SMC5: variants seen among roughly 807,000 people sequenced by gnomAD.
SMC5 encodes structural maintenance of chromosomes protein 5.
SMC5 carries 88 observed loss-of-function variants against 148.3 expected under a neutral mutation model. The ratio of observed to expected loss-of-function variants is 0.59; its 90% CI spans 0.50 to 0.71. The LOEUF is 0.71. Among genes scored for constraint, SMC5 ranks in the 30% least tolerant of loss-of-function variants. The pLI, the probability that SMC5 is intolerant of heterozygous loss-of-function variation, is 0.00. For synonymous variants in SMC5, 421 were observed against 432.8 expected (o/e 0.97, Z 0.34); for missense variants, 1,142 against 1,298.9 (o/e 0.88, Z 1.86).
rs536728644 is a variant in SMC5 at position 70,306,074 on chromosome 9, T to C, written c.1578+714T>C. Among the ~76,000 whole-genome samples the C allele has an allele frequency of 4.6e-4, 70 of 152,314 alleles. 1 individual carries two copies. The highest frequency in any genetic ancestry group is 1.6e-3 in the African/African-American group (68 of 41,564). On this transcript the variant is annotated intron_variant, in intron 11 of 24. Coordinates refer to ENST00000361138, the MANE Select transcript of SMC5 (RefSeq NM_015110.4). ...ACTCATCATTATCGTAATACATTGTTATATAACCTACATAATATGTAGTAT... is the reference window on the plus strand; with the variant it reads ...ACTCATCATTATCGTAATACATTGTCATATAACCTACATAATATGTAGTAT...
At chr9:70,335,657 G>A (rs181424458) in intron 17 of SMC5, among the ~76,000 whole-genome samples, 1 of 152,230 alleles carries the variant, frequency 6.6e-6, no homozygotes, top group African/African-American at 2.4e-5. Context: ...CCAAAAGAGA[G>A]CATACACTAT....
At chr9:70,284,782 G>A (rs1177449773) in intron 7 of SMC5, among the ~76,000 whole-genome samples, 1 of 152,126 alleles carries the variant, frequency 6.6e-6, no homozygotes, top group Non-Finnish European at 1.5e-5. Flanking sequence ...GTAGTTATTA[G>A]CACCCATAGC....
In SMC5 at chr9:70,304,325, C is replaced by T. The variant is rs544303870; in HGVS notation, c.1465-922C>T. ...AACTTCTGGCTTCCAGTGTTATCCT[C>T]TCATCTTGGCCTCCCAAAGTGTTGG... On this transcript the variant is annotated intron_variant, in intron 10 of 24. Transcript: ENST00000361138. Among the ~76,000 whole-genome samples, 7 of 152,172 alleles carry T rather than the reference C, an allele frequency of 4.6e-5. No individual in the cohort carries two copies. In the East Asian group the frequency reaches 1.4e-3, roughly 29 times the overall value.
intron 17 of SMC5, among the ~76,000 whole-genome samples, chr9:70,332,275 C>T (rs1327903475): frequency 1.3e-5 from 2 of 152,044 alleles, no homozygotes; most frequent in African/African-American, 2.4e-5. Context: ...AATCCCGGCA[C>T]TTTGGGAGGC....
chr9:70,262,935 GAAAAATCCCCCGCC>G (rs2034178379), intron 1 of SMC5, among the ~76,000 whole-genome samples: 1 of 148,986 alleles, frequency 6.7e-6, no homozygotes, highest in Non-Finnish European at 1.5e-5. Context: ...CTAAAGGCAA[GAAAAATCCCCCGCC>G]TACCCCCGCC....
In SMC5 at chr9:70,352,502, C is replaced by A; in HGVS notation, c.*171C>A. On this transcript the variant is annotated 3_prime_UTR_variant, in exon 25 of 25. Coordinates refer to ENST00000361138, the MANE Select transcript of SMC5 (RefSeq NM_015110.4). ...AACTATAATGACCTTTCCAAAATAGCAGCTGGTAGTAAAAGTTAAGTCTTC... is the reference window on the plus strand; with the variant it reads ...AACTATAATGACCTTTCCAAAATAGAAGCTGGTAGTAAAAGTTAAGTCTTC... 1 of 592,962 alleles carries A rather than the reference C, an allele frequency of 1.7e-6. No individual in the cohort carries two copies. Among genetic ancestry groups the A allele is most frequent in the Non-Finnish European group, 2.7e-6 (1 of 363,640 alleles). The allele number at this position is 592,962 out of a possible 1,614,324, so 36.7% of individuals were successfully genotyped here. A position where few individuals can be genotyped will look rare whatever the true frequency, so the allele number is the denominator to read the frequency against.
At chr9:70,324,284 G>T in intron 17 of SMC5, 141 bp downstream of exon 17, 1 of 801,294 alleles carries the variant, frequency 1.2e-6, no homozygotes, top group Non-Finnish European at 1.9e-6. Flanking sequence ...ATGTTGATGA[G>T]GAAGTAATAC....
Position 70,259,069 on chromosome 9 carries a change from G to A in SMC5, c.-10G>A. On this transcript the variant is annotated 5_prime_UTR_variant, in exon 1 of 25. Coordinates refer to ENST00000361138, the MANE Select transcript of SMC5 (RefSeq NM_015110.4). ...AACGGAAGTCGCTGTGGGACGCTGAGGAAGCCAGGATGGCGACTCCGAGCA... is the reference window on the plus strand; with the variant it reads ...AACGGAAGTCGCTGTGGGACGCTGAAGAAGCCAGGATGGCGACTCCGAGCA... 1 of 1,598,698 alleles carries A rather than the reference G, an allele frequency of 6.3e-7. No homozygotes were observed. Among genetic ancestry groups the A allele is most frequent in the Non-Finnish European group, 8.5e-7 (1 of 1,171,248 alleles).
rs1330809212 is a variant in SMC5, at chr9:70,270,767, C to T, written c.380+2792C>T. Among the ~76,000 whole-genome samples, 3 of 151,016 alleles carry T rather than the reference C, an allele frequency of 2.0e-5. No homozygotes were observed. The Admixed American group carries it at 2.0e-4, about 10-fold the overall frequency. On this transcript the variant is annotated intron_variant, in intron 3 of 24. Coordinates refer to ENST00000361138, the MANE Select transcript of SMC5 (RefSeq NM_015110.4). ...GCTCAAGTGATTCTTCCACCTCAGC[C>T]TTCCAAGTAGCTGGTATTACAAGCA...
At chr9:70,296,497 G>A (rs1463250968) in intron 8 of SMC5, among the ~76,000 whole-genome samples, 3 of 149,350 alleles carry the variant, frequency 2.0e-5, no homozygotes, top group African/African-American at 7.4e-5. Context: ...AGGTTGCAGT[G>A]AACCGAGATC....
chr9:70,309,597 C>T (rs1404681527), intron 11 of SMC5, among the ~76,000 whole-genome samples: 1 of 152,116 alleles, frequency 6.6e-6, no homozygotes, highest in Admixed American at 6.6e-5. Flanking sequence ...ATTTTCTTTG[C>T]TCATCCATAA....
In SMC5 at chr9:70,323,526, G is replaced by A; in HGVS notation, c.2194G>A (p.Glu732Lys). The A allele has an allele frequency of 6.2e-7, 1 of 1,612,092 alleles. No individual in the cohort carries two copies. Among genetic ancestry groups the A allele is most frequent in the Non-Finnish European group, 8.5e-7 (1 of 1,179,532 alleles). Residue 732 changes from glutamate to lysine, a missense_variant, in exon 16 of 25, where the codon GAG becomes AAG. Coordinates refer to ENST00000361138, the MANE Select transcript of SMC5 (RefSeq NM_015110.4). ...EQDTCNLEEE[E>K]RKASTKIKEI... The stretch of plus-strand genomic sequence containing the variant: ...GGATACTTGCAATCTTGAAGAGGAA[G>A]AGCGAAAAGCAAGTACCAAAATCAA...
At chr9:70,263,969 A>G (rs1164441836) in intron 1 of SMC5, among the ~76,000 whole-genome samples, 2 of 152,238 alleles carry the variant, frequency 1.3e-5, no homozygotes, top group Admixed American at 1.3e-4. Flanking sequence ...GGCGTCTCCT[A>G]TAAAATTTGT....
intron 17 of SMC5, among the ~76,000 whole-genome samples, chr9:70,341,024 A>C (rs2036509283): frequency 6.6e-6 from 1 of 152,130 alleles, no homozygotes. Context: ...TTAACTATTA[A>C]AGGCTAGACT....
intron 17 of SMC5, among the ~76,000 whole-genome samples, chr9:70,339,502 T>C (rs1027493648): frequency 6.6e-6 from 1 of 152,172 alleles, no homozygotes; most frequent in Non-Finnish European, 1.5e-5. Context: ...GTTCACTTTC[T>C]CTTTTACCTA....
At chr9:70,345,705 T>G (rs990428333) in intron 18 of SMC5, among the ~76,000 whole-genome samples, 2 of 151,934 alleles carry the variant, frequency 1.3e-5, no homozygotes, top group African/African-American at 4.8e-5. Flanking sequence ...ATACAAGCAA[T>G]TAAGGTTGTA....
At chr9:70,337,417 A>G (rs1355411401) in intron 17 of SMC5, among the ~76,000 whole-genome samples, 1 of 148,984 alleles carries the variant, frequency 6.7e-6, no homozygotes, top group Non-Finnish European at 1.5e-5. Flanking sequence ...CCATTTTATT[A>G]GTAAATAGGA....
At chr9:70,340,905 T>C (rs982708404) in intron 17 of SMC5, among the ~76,000 whole-genome samples, 1 of 152,132 alleles carries the variant, frequency 6.6e-6, no homozygotes, top group African/African-American at 2.4e-5. Context: ...TTTTCTAGGG[T>C]ATATAACTAC....
intron 17 of SMC5, among the ~76,000 whole-genome samples, chr9:70,340,350 CATT>C (rs2118785402): frequency 6.6e-6 from 1 of 151,696 alleles, no homozygotes; most frequent in South Asian, 2.1e-4. Context: ...GTATTATTCC[CATT>C]ATTTTATTGT....
Sources: gnomAD v4.1 joint callset for allele counts (sites outside exome capture counted in the v4.1 genomes callset) on GRCh38, gnomAD v4.1.1 for gene constraint, MANE v1.5 for transcripts, NCBI Gene and HGNC (gene_info 2026-07-23, HGNC 2026-07-21) for gene names.